ACTN2: variants seen among roughly 807,000 people sequenced by gnomAD.
The protein encoded by ACTN2 is alpha-actinin-2.
In ACTN2, 39 loss-of-function variants were observed where a neutral mutation model predicts 113.8. The observed-to-expected ratio is 0.34, with a 90% CI of 0.27 to 0.45. The LOEUF (loss-of-function observed/expected upper bound fraction) is 0.45. Ranked by LOEUF, ACTN2 falls within the 20% of genes least tolerant of loss-of-function variation. The pLI, the probability that ACTN2 is intolerant of heterozygous loss-of-function variation, is 1.00. For synonymous variants in ACTN2, 429 were observed against 444.1 expected, an observed-to-expected ratio of 0.97 and a Z score of 0.43; for missense variants, 992 against 1,177.9, an observed-to-expected ratio of 0.84 and a Z score of 2.31.
At chr1:236,734,619 G>T in intron 7 of ACTN2, 1 of 827,216 alleles carries the variant, frequency 1.2e-6, no homozygotes, top group Non-Finnish European at 1.8e-6. Flanking sequence ...CTCCGAGTAA[G>T]GAGACTGTCT....
In ACTN2 at chr1:236,762,988, G is replaced by GA. The variant is rs767612340; in HGVS notation, c.*375dup. On this transcript the variant is annotated 3_prime_UTR_variant, in exon 21 of 21. Coordinates refer to ENST00000366578, the MANE Select transcript of ACTN2 (RefSeq NM_001103.4). ...AATACCCAAGATTTAAGACCGGGGG[G>GA]AAAAAACCACAAATTGGTAAATAAA... 5.1e-5 allele frequency: 16 copies of GA among 315,246 alleles called. No individual in the cohort carries two copies. The highest frequency in any genetic ancestry group is 7.4e-5 in the Non-Finnish European group (12 of 163,080). The allele number at this position is 315,246 out of a possible 1,614,324, so 19.5% of individuals were successfully genotyped here.
rs191235353 is a variant in ACTN2, at chr1:236,762,666, G to A, written c.*47G>A. 88 of 1,596,890 alleles carry A rather than the reference G, an allele frequency of 5.5e-5. No homozygotes were observed. The African/African-American group carries it at 9.0e-4, about 16-fold the overall frequency. ...CATCCCATCAGAATGCAATAAAAGC[G>A]GAAGTCACAGTTTGTTTCCTGGAAA... On this transcript the variant is annotated 3_prime_UTR_variant, in exon 21 of 21. Transcript: ENST00000366578.
chr1:236,718,006 G>A (rs767764803), intron 2 of ACTN2, 34 bp downstream of exon 2: 1 of 1,500,142 alleles, frequency 6.7e-7, no homozygotes, highest in Admixed American at 1.7e-5. Flanking sequence ...ATGCTTTCAT[G>A]TGTTATCAGT....
chr1:236,703,169 C>G (rs1254293086), intron 1 of ACTN2, among the ~76,000 whole-genome samples: 2 of 152,130 alleles, frequency 1.3e-5, no homozygotes, highest in African/African-American at 4.8e-5. Flanking sequence ...ACGTAATTAC[C>G]CAGGCTCCAA....
At chr1:236,719,969 T>A (rs889833809) in intron 3 of ACTN2, 136 bp from the exon 4 acceptor site, 1 of 687,102 alleles carries the variant, frequency 1.5e-6, no homozygotes, top group African/African-American at 1.8e-5. Context: ...ACTGCGGTGC[T>A]TATAAAAACA....
chr1:236,728,783 C>T (rs796312885), intron 6 of ACTN2, among the ~76,000 whole-genome samples: 4 of 152,126 alleles, frequency 2.6e-5, no homozygotes, highest in African/African-American at 7.2e-5. Flanking sequence ...AGTCCCAGCA[C>T]TTTGGGAAGC....
At chr1:236,733,532 G>A (rs1007169650) in intron 7 of ACTN2, among the ~76,000 whole-genome samples, 2 of 152,172 alleles carry the variant, frequency 1.3e-5, no homozygotes, top group African/African-American at 2.4e-5. Flanking sequence ...TAATGGTTCA[G>A]AAGAATGCTC....
intron 17 of ACTN2, among the ~76,000 whole-genome samples, chr1:236,755,761 G>C (rs1220519046): frequency 2.3e-5 from 1 of 43,880 alleles, no homozygotes; most frequent in Admixed American, 2.3e-4. Flanking sequence ...GCCACTGTTA[G>C]AACCCTGGTA....
At chr1:236,760,336 C>T (rs1659669135) in intron 19 of ACTN2, among the ~76,000 whole-genome samples, 1 of 152,014 alleles carries the variant, frequency 6.6e-6, no homozygotes, top group Admixed American at 6.6e-5. Context: ...AGAACATAGG[C>T]TTTTTGATTG....
chr1:236,736,580 A>G, intron 8 of ACTN2: 2 of 1,511,560 alleles, frequency 1.3e-6, no homozygotes, highest in Non-Finnish European at 8.8e-7. Flanking sequence ...CTTAAAGCAC[A>G]CTCAGCTCTG....
In ACTN2 at chr1:236,757,570, G is replaced by A; in HGVS notation, c.2239G>A (p.Ala747Thr). ...GGAGACTCAGATCCTGACGAGAGAT[G>A]CGAAGGGCATCACCCAGGAGCAGAT... ...EVETQILTRD[A>T]KGITQEQMNE... The change falls in exon 18 of 21, where the codon GCG becomes ACG. Residue 747 changes from alanine to threonine, a missense_variant. Ala to Thr is a moderately conservative substitution (Grantham distance 58). Coordinates refer to ENST00000366578, the MANE Select transcript of ACTN2 (RefSeq NM_001103.4). The A allele has an allele frequency of 6.2e-7, 1 of 1,614,188 alleles. No individual in the cohort carries two copies. Among genetic ancestry groups the A allele is most frequent in the Non-Finnish European group, 8.5e-7 (1 of 1,180,050 alleles).
At chr1:236,739,163 CTG>C (rs1463034926) in intron 9 of ACTN2, 137 bp from the exon 10 acceptor site, 3 of 887,458 alleles carry the variant, frequency 3.4e-6, no homozygotes, top group Non-Finnish European at 5.5e-6. Flanking sequence ...GTTCATGCCT[CTG>C]TGCGTAGAGG....
At chr1:236,726,148 G>A in intron 5 of ACTN2, 128 bp downstream of exon 5, 1 of 835,336 alleles carries the variant, frequency 1.2e-6, no homozygotes, top group Non-Finnish European at 2.0e-6. Context: ...GGAGAACTCA[G>A]GCTGTAGAAT....
At chr1:236,704,878 T>C (rs78913129) in intron 1 of ACTN2, among the ~76,000 whole-genome samples, 6,592 of 152,296 alleles carry the variant, frequency 0.043, 199 homozygotes, top group Non-Finnish European at 0.069. Flanking sequence ...CTAATACTAA[T>C]AGGCTGAGTG....
intron 18 of ACTN2, among the ~76,000 whole-genome samples, chr1:236,758,289 CT>C (rs11335799): frequency 0.3 from 40,651 of 135,782 alleles, 9,241 homozygotes; most frequent in African/African-American, 0.61. Context: ...CAATTCTTTT[CT>C]TTTTTTTTTT....
At chr1:236,711,607 C>T (rs1658028501) in intron 1 of ACTN2, among the ~76,000 whole-genome samples, 1 of 152,206 alleles carries the variant, frequency 6.6e-6, no homozygotes, top group Non-Finnish European at 1.5e-5. Context: ...ACCTTGGCCT[C>T]CCAAAATGCT....
Position 236,754,918 on chromosome 1 carries a change from C to CGCTAT in ACTN2, c.1975-101_1975-100insGCTAT. ...ACACTGGCCGCTGCCTGACGCTGGC[C>CGCTAT]TAGCATCCCATGCAGGGTCTGGAAC... On this transcript the variant is annotated intron_variant, in intron 16 of 20. Transcript: ENST00000366578. This position sits in a 1 kb window ranked among gnomAD's most constrained non-coding sequence, Gnocchi z 4.9. The CGCTAT allele has an allele frequency of 7.0e-7, 1 of 1,420,270 alleles. No homozygotes were observed. Among genetic ancestry groups the CGCTAT allele is most frequent in the Non-Finnish European group, 9.9e-7 (1 of 1,005,748 alleles). 88.0% of individuals were successfully genotyped at this position (1,420,270 alleles called of 1,614,324 possible).
intron 4 of ACTN2, among the ~76,000 whole-genome samples, chr1:236,725,279 G>A (rs1658515138): frequency 6.6e-6 from 1 of 152,132 alleles, no homozygotes; most frequent in African/African-American, 2.4e-5. Context: ...TCTCTGGTCC[G>A]AATAATAGGT....
chr1:236,720,450 C>A (rs771050973), intron 4 of ACTN2, among the ~76,000 whole-genome samples: 1 of 152,134 alleles, frequency 6.6e-6, no homozygotes, highest in African/African-American at 2.4e-5. Context: ...ATTTATTGAG[C>A]TTCTTGATTG....
Sources: gnomAD v4.1 joint callset for allele counts (sites outside exome capture counted in the v4.1 genomes callset) on GRCh38, gnomAD v4.1.1 for gene constraint, Gnocchi (gnomAD v3.1) non-coding constraint, MANE v1.5 for transcripts, NCBI Gene and HGNC (gene_info 2026-07-23, HGNC 2026-07-21) for gene names.